Variants in SNAP91 observed in about 807,000 individuals in gnomAD.
The protein encoded by SNAP91 is clathrin coat assembly protein AP180.
Under a neutral mutation model 100.3 loss-of-function variants are expected in SNAP91, and 27 were observed. That is an observed-to-expected ratio of 0.27 (90% CI 0.20 to 0.37). SNAP91 has a LOEUF of 0.37. SNAP91 is among the 10% of genes least tolerant of loss of function. The probability of loss-of-function intolerance (pLI) is 1.00; values close to 1 mark genes in which losing one functional copy is unlikely to be tolerated. For missense variants in SNAP91, 986 were observed against 1,123.7 expected (o/e 0.88, Z 1.75); for synonymous variants, 404 against 398.6 (o/e 1.01, Z -0.16).
At chr6:83,694,669 C>T (rs986088379) in intron 2 of SNAP91, among the ~76,000 whole-genome samples, 1 of 152,246 alleles carries the variant, frequency 6.6e-6, no homozygotes, top group Middle Eastern at 3.4e-3. Flanking sequence ...AAAAAGTCTT[C>T]AAGAATGGAA....
intron 7 of SNAP91, among the ~76,000 whole-genome samples, chr6:83,654,524 T>G (rs1436338935): frequency 6.6e-6 from 1 of 152,180 alleles, no homozygotes; most frequent in Non-Finnish European, 1.5e-5. Context: ...ATGTTTTAGC[T>G]ATCTGAGTGG....
intron 2 of SNAP91, among the ~76,000 whole-genome samples, chr6:83,697,480 T>A (rs73486977): frequency 6.6e-6 from 1 of 152,080 alleles, no homozygotes; most frequent in Non-Finnish European, 1.5e-5. Flanking sequence ...CCAAAAATTA[T>A]GGATATAATT....
intron 2 of SNAP91, among the ~76,000 whole-genome samples, chr6:83,672,462 G>C (rs189077070): frequency 6.6e-6 from 1 of 151,954 alleles, no homozygotes. Flanking sequence ...GATGAACACT[G>C]TCATTTGTGG....
intron 5 of SNAP91, among the ~76,000 whole-genome samples, chr6:83,659,417 G>A (rs376531579): frequency 4.1e-4 from 59 of 142,734 alleles, no homozygotes; most frequent in African/African-American, 1.5e-3. Context: ...TGAAAAGTAT[G>A]TTTTCTTCTT....
chr6:83,645,920 G>A (rs932330888), intron 7 of SNAP91, among the ~76,000 whole-genome samples: 4 of 152,148 alleles, frequency 2.6e-5, no homozygotes, highest in Non-Finnish European at 4.4e-5. Context: ...CTGAAAACAT[G>A]CCTTTTCAGA....
In SNAP91 at chr6:83,666,517, G is replaced by A. The variant is rs376889644; in HGVS notation, c.131-936C>T. Among the ~76,000 whole-genome samples the A allele has an allele frequency of 1.2e-4, 18 of 152,118 alleles. No individual in the cohort carries two copies. In the East Asian group the frequency reaches 2.9e-3, roughly 24 times the overall value. On this transcript the variant is annotated intron_variant, in intron 2 of 29. Transcript: ENST00000369694. Reference sequence around the variant, plus strand: ...AGGCAATCCCATGCAACAAACATGCGCTTGCAACAAACATGCACATGTATT... The same window carrying A: ...AGGCAATCCCATGCAACAAACATGCACTTGCAACAAACATGCACATGTATT...
chr6:83,607,185 C>T (rs2095669275), intron 13 of SNAP91, among the ~76,000 whole-genome samples: 1 of 152,136 alleles, frequency 6.6e-6, no homozygotes, highest in South Asian at 2.1e-4. Flanking sequence ...AAAGAACGCA[C>T]AGTCATCCCC....
Position 83,614,857 on chromosome 6 carries a change from C to A in SNAP91, c.884G>T (p.Gly295Val). The A allele has an allele frequency of 7.5e-6, 12 of 1,591,612 alleles. No individual in the cohort carries two copies. The highest frequency in any genetic ancestry group is 1.0e-5 in the Non-Finnish European group (12 of 1,175,324). The change falls in exon 11 of 30, where the codon GGA (glycine) becomes GTA (valine). Residue 295 changes from glycine to valine, a missense_variant and splice_region_variant. Gly to Val is a moderately radical substitution (Grantham distance 109, BLOSUM62 -3). Coordinates refer to ENST00000369694, the MANE Select transcript of SNAP91 (RefSeq NM_001242792.2). ...AAAACTCACTCCATACAGTACTCAC[C>A]CTTCACTTAAGTTCCAAGGTAAGCA... The part of the protein sequence containing the change: ...LEGKKPGNNE[G>V]SGAPSPLSKS...
chr6:83,619,858 C>T (rs2096643382), intron 9 of SNAP91, among the ~76,000 whole-genome samples: 1 of 152,110 alleles, frequency 6.6e-6, no homozygotes, highest in Admixed American at 6.6e-5. Flanking sequence ...GATTTAGATG[C>T]TATAGCTTAT....
At chr6:83,573,373 T>C (rs1252383886) in intron 26 of SNAP91, among the ~76,000 whole-genome samples, 6 of 152,208 alleles carry the variant, frequency 3.9e-5, no homozygotes, top group Non-Finnish European at 7.3e-5. Flanking sequence ...ATGGTCATAC[T>C]GCCCAAGGTA....
chr6:83,602,892 G>A (rs560321248), intron 14 of SNAP91, among the ~76,000 whole-genome samples: 19 of 152,018 alleles, frequency 1.2e-4, no homozygotes, highest in African/African-American at 4.3e-4. Context: ...ATGCATGCGG[G>A]GCTTAAAACC....
At chr6:83,671,027 A>C (rs2098776262) in intron 2 of SNAP91, among the ~76,000 whole-genome samples, 1 of 151,982 alleles carries the variant, frequency 6.6e-6, no homozygotes, top group Non-Finnish European at 1.5e-5. Flanking sequence ...GACTGAGCTT[A>C]TCAACTTTAA....
chr6:83,649,903 T>C (rs773603179), intron 7 of SNAP91, among the ~76,000 whole-genome samples: 3 of 152,188 alleles, frequency 2.0e-5, no homozygotes, highest in Non-Finnish European at 4.4e-5. Context: ...CATACCTTTT[T>C]AGGGGATGAG....
intron 28 of SNAP91, 141 bp downstream of exon 28, chr6:83,559,963 T>C (rs1784583678): frequency 4.3e-6 from 3 of 690,280 alleles, no homozygotes; most frequent in Non-Finnish European, 7.7e-6. Flanking sequence ...TTTGCAGATC[T>C]GTCTTCCAAG....
intron 2 of SNAP91, among the ~76,000 whole-genome samples, chr6:83,667,053 A>G (rs1274220806): frequency 1.3e-5 from 2 of 152,172 alleles, no homozygotes; most frequent in African/African-American, 4.8e-5. Flanking sequence ...TAGCTAAAAT[A>G]ATCAAATGAG....
At chr6:83,572,500 C>T (rs1393424473) in intron 26 of SNAP91, among the ~76,000 whole-genome samples, 1 of 152,142 alleles carries the variant, frequency 6.6e-6, no homozygotes, top group Non-Finnish European at 1.5e-5. Flanking sequence ...GATCCGCCTG[C>T]CTTGGCCTCA....
intron 9 of SNAP91, 76 bp from the exon 10 acceptor site, chr6:83,617,115 G>A (rs2096528663): frequency 2.1e-6 from 2 of 962,272 alleles, no homozygotes; most frequent in Non-Finnish European, 3.0e-6. Flanking sequence ...CACTGTAACT[G>A]TATGGTGGAA....
rs536763578 is a variant in SNAP91, at chr6:83,657,930, C to CTT, written c.546+1067_547-1066dup. On this transcript the variant is annotated intron_variant, in intron 6 of 29. Transcript: ENST00000369694. Reference sequence around the variant, plus strand: ...TACAGGCATGCACCACCACACCTTGCTTTTTTTTTTTTTTTTTTTTGGTAT... The same window carrying CTT: ...TACAGGCATGCACCACCACACCTTGCTTTTTTTTTTTTTTTTTTTTTTGGTAT... Among the ~76,000 whole-genome samples the CTT allele has an allele frequency of 7.0e-3, 737 of 106,040 alleles. 6 individuals are homozygous for CTT. The highest frequency in any genetic ancestry group is 0.011 in the Non-Finnish European group (554 of 52,488). 69.6% of individuals were successfully genotyped at this position (106,040 alleles called of 152,430 possible). A position where few individuals can be genotyped will look rare whatever the true frequency, so the allele number is the denominator to read the frequency against.
chr6:83,596,528 C>A (rs2094489136), intron 16 of SNAP91, among the ~76,000 whole-genome samples: 2 of 152,154 alleles, frequency 1.3e-5, no homozygotes, highest in South Asian at 4.1e-4. Flanking sequence ...ACATAGCAGT[C>A]ATATATATTG....
Sources: allele counts gnomAD v4.1 joint callset (sites outside exome capture counted in the v4.1 genomes callset), GRCh38; gene constraint gnomAD v4.1.1; transcripts MANE v1.5; gene names NCBI Gene and HGNC (gene_info 2026-07-23, HGNC 2026-07-21).